CNTN3: variants seen among roughly 807,000 people sequenced by gnomAD.
CNTN3 encodes contactin-3.
A neutral mutation model predicts 119.1 loss-of-function variants in CNTN3; 60 were observed. The observed-to-expected ratio is 0.50, with a 90% CI of 0.41 to 0.62. The LOEUF (loss-of-function observed/expected upper bound fraction) is 0.62, where lower values mean the gene tolerates loss of function less well. CNTN3 is among the 20% of genes least tolerant of loss of function. The pLI, the probability that CNTN3 is intolerant of heterozygous loss-of-function variation, is 0.00. For missense variants in CNTN3, 1,101 were observed against 1,242.4 expected (o/e 0.89, Z 1.71); for synonymous variants, 450 against 438.7 (o/e 1.03, Z -0.32).
intron 20 of CNTN3, among the ~76,000 whole-genome samples, chr3:74,284,819 T>TA (rs2106780688): frequency 6.6e-6 from 1 of 152,316 alleles, no homozygotes; most frequent in South Asian, 2.1e-4. Context: ...TTAGATTTTT[T>TA]AAAGTATCAA....
intron 20 of CNTN3, among the ~76,000 whole-genome samples, chr3:74,274,777 A>C (rs1415594778): frequency 1.3e-5 from 2 of 152,162 alleles, no homozygotes; most frequent in South Asian, 2.1e-4. Context: ...ATACTAGCTC[A>C]CCAGCAATGG....
intron 2 of CNTN3, among the ~76,000 whole-genome samples, chr3:74,519,777 G>A (rs995921202): frequency 6.6e-6 from 1 of 151,560 alleles, no homozygotes; most frequent in Non-Finnish European, 1.5e-5. Context: ...TATTCTTTTT[G>A]TCCTCAGTAC....
At chr3:74,488,479 G>A (rs1702901353) in intron 3 of CNTN3, among the ~76,000 whole-genome samples, 1 of 151,888 alleles carries the variant, frequency 6.6e-6, no homozygotes, top group Admixed American at 6.6e-5. Context: ...AGCTTTTTTG[G>A]TTTTAGTTCT....
intron 13 of CNTN3, among the ~76,000 whole-genome samples, chr3:74,318,704 C>T (rs930910977): frequency 9.2e-5 from 14 of 152,088 alleles, no homozygotes; most frequent in East Asian, 7.7e-4. Flanking sequence ...GCTGCCTGAT[C>T]GTTCCTCTGG....
At chr3:74,318,733 G>A (rs1220359205) in intron 13 of CNTN3, among the ~76,000 whole-genome samples, 1 of 152,154 alleles carries the variant, frequency 6.6e-6, no homozygotes, top group Non-Finnish European at 1.5e-5. Flanking sequence ...TCTCAGAGGA[G>A]TACCTGGCCA....
intron 1 of CNTN3, among the ~76,000 whole-genome samples, chr3:74,580,009 A>T (rs190394453): frequency 2.0e-5 from 3 of 152,298 alleles, no homozygotes; most frequent in Admixed American, 2.0e-4. Flanking sequence ...AAGGGAAAGG[A>T]ACAGAGAGGG....
At chr3:74,603,808 A>G (rs1190830323) in intron 1 of CNTN3, among the ~76,000 whole-genome samples, 1 of 146,454 alleles carries the variant, frequency 6.8e-6, no homozygotes, top group Non-Finnish European at 1.5e-5. Context: ...ACAGAAATAG[A>G]AAAAAAAATC....
intron 10 of CNTN3, 110 bp from the exon 11 acceptor site, chr3:74,362,150 C>G: frequency 8.5e-7 from 1 of 1,176,496 alleles, no homozygotes; most frequent in Non-Finnish European, 1.2e-6. Context: ...TTCAGGGTGT[C>G]AGTGCTTGAT....
At chr3:74,275,792 A>C (rs59495230) in intron 20 of CNTN3, among the ~76,000 whole-genome samples, 5,606 of 152,222 alleles carry the variant, frequency 0.037, 282 homozygotes, top group African/African-American at 0.11. Flanking sequence ...CTCACACCTC[A>C]ATACTAACAT....
intron 3 of CNTN3, among the ~76,000 whole-genome samples, chr3:74,496,612 C>T (rs1300136364): frequency 6.6e-5 from 10 of 152,014 alleles, no homozygotes; most frequent in Non-Finnish European, 1.2e-4. Flanking sequence ...TGTGGTCTTT[C>T]ATCTTAGCAT....
chr3:74,387,471 G>T (rs1400950358), intron 5 of CNTN3, among the ~76,000 whole-genome samples: 1 of 152,212 alleles, frequency 6.6e-6, no homozygotes, highest in African/African-American at 2.4e-5. Context: ...TACTCAAAAT[G>T]CAGAAATGCC....
At chr3:74,423,605 G>T (rs1701650627) in intron 5 of CNTN3, among the ~76,000 whole-genome samples, 1 of 152,190 alleles carries the variant, frequency 6.6e-6, no homozygotes, top group African/African-American at 2.4e-5. Context: ...ATGTGAGCCA[G>T]CAAACTCCCA....
intron 1 of CNTN3, among the ~76,000 whole-genome samples, chr3:74,575,194 G>A (rs1704394803): frequency 6.6e-6 from 1 of 151,944 alleles, no homozygotes; most frequent in Non-Finnish European, 1.5e-5. Flanking sequence ...CAAAGTACTA[G>A]GATTACAGGC....
intron 13 of CNTN3, among the ~76,000 whole-genome samples, chr3:74,328,228 TAC>T (rs1180896094): frequency 6.6e-6 from 1 of 152,182 alleles, no homozygotes; most frequent in African/African-American, 2.4e-5. Context: ...TCTCAAAGTC[TAC>T]ACAGTCTTAT....
chr3:74,280,868 C>T (rs1039938059), intron 20 of CNTN3, among the ~76,000 whole-genome samples: 10 of 152,034 alleles, frequency 6.6e-5, no homozygotes, highest in Non-Finnish European at 1.0e-4. Context: ...AGGCTATGCA[C>T]AAGGATAAAA....
Position 74,291,566 on chromosome 3 carries a change from A to G in CNTN3, c.2517+3555T>C, listed in dbSNP as rs1045261763. Among the ~76,000 whole-genome samples, 7 of 152,254 alleles carry G rather than the reference A, an allele frequency of 4.6e-5. 1 individual carries two copies. The highest frequency in any genetic ancestry group is 1.7e-4 in the African/African-American group (7 of 41,548). ...CTAAAAATTTTTTGTATATTTGTAG[A>G]GACAGGGTTTCACTGTGTTAGCCAG... On this transcript the variant is annotated intron_variant, in intron 19 of 22. Transcript: ENST00000263665.
chr3:74,591,463 G>C (rs540021183), intron 1 of CNTN3, among the ~76,000 whole-genome samples: 5 of 151,962 alleles, frequency 3.3e-5, no homozygotes, highest in Non-Finnish European at 7.4e-5. Flanking sequence ...TGGGAAAGTG[G>C]TGTGAAGACA....
chr3:74,299,076 G>T (rs149006907), intron 17 of CNTN3, among the ~76,000 whole-genome samples: 8 of 151,906 alleles, frequency 5.3e-5, no homozygotes, highest in Non-Finnish European at 1.2e-4. Flanking sequence ...GCATGGTGGC[G>T]CATGCCTGTA....
Position 74,472,817 on chromosome 3 carries a change from A to G in CNTN3, c.358+13639T>C, listed in dbSNP as rs571017031. Among the ~76,000 whole-genome samples the G allele has an allele frequency of 2.0e-5, 3 of 152,310 alleles. No homozygotes were observed. The East Asian group carries it at 5.8e-4, about 29-fold the overall frequency. ...ATGTGATCAAAGTCACTTCTGTTCA[A>G]AGATGAAATTTGCATTTTTAGCCAC... On this transcript the variant is annotated intron_variant, in intron 4 of 22. Transcript: ENST00000263665.
Sources: allele counts gnomAD v4.1 joint callset (sites outside exome capture counted in the v4.1 genomes callset), GRCh38; gene constraint gnomAD v4.1.1; transcripts MANE v1.5; gene names NCBI Gene and HGNC (gene_info 2026-07-23, HGNC 2026-07-21).